Variants in DENND2B observed in about 807,000 individuals in gnomAD.
DENND2B encodes DENN domain containing 2B.
Under a neutral mutation model 116.0 loss-of-function variants are expected in DENND2B, and 32 were observed. The ratio of observed to expected loss-of-function variants is 0.28; its 90% CI spans 0.21 to 0.37. DENND2B has a LOEUF of 0.37. Among genes scored for constraint, DENND2B ranks in the 10% least tolerant of loss-of-function variants. The pLI, the probability that DENND2B is intolerant of heterozygous loss-of-function variation, is 1.00. For synonymous variants in DENND2B, 588 were observed against 583.9 expected (o/e 1.01, Z -0.10); for missense variants, 1,276 against 1,477.7 (o/e 0.86, Z 2.24).
chr11:8,859,461 T>C (rs1025303450), intron 2 of DENND2B, among the ~76,000 whole-genome samples: 12 of 151,442 alleles, frequency 7.9e-5, no homozygotes, highest in Admixed American at 6.6e-5. Flanking sequence ...GCGCCCGCCA[T>C]CGCGCCCGGC....
chr11:8,736,747 G>A (rs2049120258), intron 2 of DENND2B, among the ~76,000 whole-genome samples: 1 of 152,206 alleles, frequency 6.6e-6, no homozygotes, highest in Non-Finnish European at 1.5e-5. Flanking sequence ...TGTGGCCAGA[G>A]TGGAGGGAAA....
Position 8,729,268 on chromosome 11 carries a change from T to G in DENND2B, c.1340+682A>C, listed in dbSNP as rs567851620. Among the ~76,000 whole-genome samples, 4 of 152,288 alleles carry G rather than the reference T, an allele frequency of 2.6e-5. No homozygotes were observed. In the South Asian group the frequency reaches 8.3e-4, roughly 32 times the overall value. On this transcript the variant is annotated intron_variant, in intron 3 of 19. Coordinates refer to ENST00000313726, the MANE Select transcript of DENND2B (RefSeq NM_213618.2). ...CAAGACGCCTGCCAGCTTTCACCAA[T>G]TCCAATAGCTCCAGCTCCAAGTTAC...
In DENND2B at chr11:8,750,650, G is replaced by T. The variant is rs1427224087; in HGVS notation, c.51C>A (p.Gly17=). The stretch of plus-strand genomic sequence containing the variant: ...TCAGAGTCCCCCGAGGGGCTTTAGT[G>T]CCACCAGCTCCGTGGGTGATGCTGG... ...KNSSITHGAG[G]TKAPRGTLSR... Residue 17 remains glycine (G), a synonymous_variant, in exon 2 of 20, where the codon GGC becomes GGA. Transcript: ENST00000313726. 6.2e-7 allele frequency: 1 copy of T among 1,614,108 alleles called. No homozygotes were observed. The highest frequency in any genetic ancestry group is 8.5e-7 in the Non-Finnish European group (1 of 1,180,008).
intron 1 of DENND2B, among the ~76,000 whole-genome samples, chr11:8,754,193 T>C (rs767906413): frequency 6.6e-6 from 1 of 152,288 alleles, no homozygotes; most frequent in African/African-American, 2.4e-5. Flanking sequence ...AAGAAAATTG[T>C]ATCCAGAATA....
At chr11:8,699,003 C>T (rs1289070685) in intron 15 of DENND2B, 29 bp from the exon 16 acceptor site, 3 of 1,613,262 alleles carry the variant, frequency 1.9e-6, no homozygotes, top group Non-Finnish European at 2.5e-6. Flanking sequence ...AGCAGAGTGG[C>T]TCAGGGCATG....
rs190769282 is a variant in DENND2B, at chr11:8,889,909, C to T, written c.-255-8800G>A. Among the ~76,000 whole-genome samples, 206 of 152,296 alleles carry T rather than the reference C, an allele frequency of 1.4e-3. 3 individuals are homozygous for T. The highest frequency in any genetic ancestry group is 1.6e-3 in the Non-Finnish European group (112 of 68,020). ...GAAGAGAGTAGTGGTTCTCCAAGCA[C>T]GGAATTTGAGATCTGACAATGGACA... is the stretch of plus-strand genomic sequence containing the variant. On this transcript the variant is annotated intron_variant, in intron 1 of 22. Coordinates refer to the DENND2B transcript ENST00000534127.
chr11:8,884,233 G>A (rs528316399), intron 1 of DENND2B, among the ~76,000 whole-genome samples: 1 of 151,934 alleles, frequency 6.6e-6, no homozygotes, highest in African/African-American at 2.4e-5. Context: ...CAGTGAAGGT[G>A]GGGATGGGGT....
chr11:8,826,642 G>A (rs940259322), intron 4 of DENND2B, among the ~76,000 whole-genome samples: 1 of 152,162 alleles, frequency 6.6e-6, no homozygotes, highest in African/African-American at 2.4e-5. Context: ...CTGATCTACA[G>A]ATGAGTCATA....
intron 2 of DENND2B, among the ~76,000 whole-genome samples, chr11:8,870,404 T>C (rs1473095091): frequency 6.6e-6 from 1 of 152,174 alleles, no homozygotes; most frequent in African/African-American, 2.4e-5. Context: ...GGGCAAAAAG[T>C]GAACCATCCA....
intron 2 of DENND2B, among the ~76,000 whole-genome samples, chr11:8,859,498 C>T (rs2063322120): frequency 6.6e-6 from 1 of 151,982 alleles, no homozygotes; most frequent in Admixed American, 6.6e-5. Flanking sequence ...TTAGTAGAGA[C>T]GGGGTTTCAC....
intron 1 of DENND2B, among the ~76,000 whole-genome samples, chr11:8,901,414 G>A (rs2064170548): frequency 1.3e-5 from 2 of 151,074 alleles, no homozygotes; most frequent in Non-Finnish European, 3.0e-5. Flanking sequence ...ATTTTTAGTA[G>A]AGACGGGGTT....
chr11:8,817,649 C>G (rs2061614723), intron 4 of DENND2B, among the ~76,000 whole-genome samples: 1 of 152,128 alleles, frequency 6.6e-6, no homozygotes, highest in Non-Finnish European at 1.5e-5. Context: ...GGTTGCGCCC[C>G]CTCTCCTTCA....
intron 4 of DENND2B, among the ~76,000 whole-genome samples, chr11:8,825,666 A>G (rs1043490340): frequency 6.6e-6 from 1 of 152,074 alleles, no homozygotes; most frequent in African/African-American, 2.4e-5. Flanking sequence ...TCAGAGAGAA[A>G]AGCCTCCACA....
intron 1 of DENND2B, among the ~76,000 whole-genome samples, chr11:8,761,091 A>T (rs981007424): frequency 7.2e-5 from 11 of 152,170 alleles, no homozygotes; most frequent in Non-Finnish European, 1.5e-4. Flanking sequence ...TTCCTGCCAG[A>T]TGGTCCTTCT....
At chr11:8,886,271 C>T (rs1158157039) in intron 1 of DENND2B, among the ~76,000 whole-genome samples, 1 of 152,146 alleles carries the variant, frequency 6.6e-6, no homozygotes, top group Non-Finnish European at 1.5e-5. Context: ...ATTAGGTTAA[C>T]TTGCTTTAAG....
intron 3 of DENND2B, among the ~76,000 whole-genome samples, chr11:8,853,818 T>C (rs1374331175): frequency 6.6e-6 from 1 of 151,992 alleles, no homozygotes; most frequent in East Asian, 1.9e-4. Context: ...TTTTTATTTT[T>C]TTAGAATGTA....
At chr11:8,897,092 T>A (rs573452106) in intron 1 of DENND2B, among the ~76,000 whole-genome samples, 3,954 of 79,656 alleles carry the variant, frequency 0.05, 60 homozygotes, top group Middle Eastern at 0.098. Flanking sequence ...ACAAAAAAAA[T>A]TTTTTTTTTT....
At chr11:8,859,400 C>T (rs1453084720) in intron 2 of DENND2B, among the ~76,000 whole-genome samples, 2 of 152,098 alleles carry the variant, frequency 1.3e-5, no homozygotes, top group African/African-American at 2.4e-5. Context: ...CTCCGCCTCC[C>T]GGGTTCACGC....
intron 4 of DENND2B, among the ~76,000 whole-genome samples, chr11:8,825,037 C>A (rs1249293040): frequency 1.3e-5 from 2 of 152,116 alleles, no homozygotes; most frequent in African/African-American, 4.8e-5. Context: ...TGGGTATATA[C>A]CCAGTAATGG....
Sources: allele counts gnomAD v4.1 joint callset (sites outside exome capture counted in the v4.1 genomes callset), GRCh38; gene constraint gnomAD v4.1.1; transcripts MANE v1.5; gene names NCBI Gene and HGNC (gene_info 2026-07-23, HGNC 2026-07-21).